Variants in SVEP1 observed in about 807,000 individuals in gnomAD.
SVEP1 encodes the protein sushi, von Willebrand factor type A, EGF and pentraxin domain containing 1, also known as sushi, von Willebrand factor type A, EGF and pentraxin domain-containing protein 1.
SVEP1 carries 164 observed loss-of-function variants against 367.3 expected under a neutral mutation model. The observed-to-expected ratio is 0.45, with a 90% CI of 0.39 to 0.51. SVEP1 has a LOEUF of 0.51. SVEP1 is among the 20% of genes least tolerant of loss of function. The pLI is 0.00. For synonymous variants in SVEP1, 1,666 were observed against 1,611.6 expected (o/e 1.03, Z -0.81); for missense variants, 4,117 against 4,425.3 (o/e 0.93, Z 1.98).
chr9:110,382,469 C>G (rs906125434), intron 43 of SVEP1, among the ~76,000 whole-genome samples: 2 of 152,162 alleles, frequency 1.3e-5, no homozygotes, highest in African/African-American at 4.8e-5. Context: ...TGTAGGTCAC[C>G]TGGACTTTCT....
chr9:110,393,180 T>C (rs1239424584), intron 40 of SVEP1, among the ~76,000 whole-genome samples: 1 of 152,206 alleles, frequency 6.6e-6, no homozygotes, highest in Non-Finnish European at 1.5e-5. Context: ...CTTTTCTTCT[T>C]AATAAATTGC....
At chr9:110,483,511 T>A (rs1371050854) in intron 10 of SVEP1, 75 bp downstream of exon 10, 6 of 969,698 alleles carry the variant, frequency 6.2e-6, no homozygotes, top group East Asian at 2.9e-5. Flanking sequence ...TTCTCTTTTA[T>A]CCCATTAAAA....
At chr9:110,571,837 G>A (rs1439516936) in intron 1 of SVEP1, among the ~76,000 whole-genome samples, 2 of 152,276 alleles carry the variant, frequency 1.3e-5, no homozygotes, top group Non-Finnish European at 1.5e-5. Context: ...TACACACCCA[G>A]AATTGCTACA....
In SVEP1 at chr9:110,400,937, G is replaced by T; in HGVS notation, c.9739C>A (p.Pro3247Thr). 1 of 1,613,864 alleles carries T rather than the reference G, an allele frequency of 6.2e-7. No homozygotes were observed. The highest frequency in any genetic ancestry group is 1.1e-5 in the South Asian group (1 of 91,078). ...SPVSCGKPES[P>T]EHGFVVGSKY... ...CTGCCAACCACAAATCCATGTTCTG[G>T]ACTTTCAGGTTTCCCACAAGAAACT... Residue 3247 changes from proline to threonine, a missense_variant, in exon 40 of 48, where the codon CCA (proline) becomes ACA (threonine). Pro to Thr is a conservative substitution (Grantham distance 38). Transcript: ENST00000374469.
intron 1 of SVEP1, 63 bp downstream of exon 1, chr9:110,578,950 A>G (rs1327821715): frequency 2.0e-6 from 3 of 1,509,500 alleles, no homozygotes; most frequent in Non-Finnish European, 2.7e-6. Context: ...AGAGACGGGC[A>G]GGCAGCGGTG....
At chr9:110,527,385 G>A (rs1033585697) in intron 3 of SVEP1, among the ~76,000 whole-genome samples, 16 of 151,836 alleles carry the variant, frequency 1.1e-4, no homozygotes, top group Admixed American at 9.9e-4. Context: ...ATTTTTTAAA[G>A]GATTTTTATT....
At chr9:110,403,700 G>A (rs1827905360) in intron 39 of SVEP1, among the ~76,000 whole-genome samples, 1 of 151,960 alleles carries the variant, frequency 6.6e-6, no homozygotes, top group South Asian at 2.1e-4. Context: ...TAAATCTTAT[G>A]TGCAAAAGAA....
intron 1 of SVEP1, among the ~76,000 whole-genome samples, chr9:110,577,539 TGA>T (rs1401417327): frequency 6.6e-6 from 1 of 152,096 alleles, no homozygotes; most frequent in African/African-American, 2.4e-5. Context: ...ATTTGGGAAA[TGA>T]GAGAGCTATT....
intron 40 of SVEP1, among the ~76,000 whole-genome samples, chr9:110,393,199 T>C (rs1163219065): frequency 6.6e-6 from 1 of 152,206 alleles, no homozygotes; most frequent in Non-Finnish European, 1.5e-5. Flanking sequence ...GCAAGATTAA[T>C]ATTCTTGCAT....
intron 1 of SVEP1, among the ~76,000 whole-genome samples, chr9:110,573,735 G>T (rs1002071159): frequency 2.6e-5 from 4 of 152,154 alleles, no homozygotes; most frequent in Admixed American, 2.6e-4. Flanking sequence ...TTTAGGAAAG[G>T]TAACTTACAA....
chr9:110,525,967 G>A (rs982453909), intron 3 of SVEP1, among the ~76,000 whole-genome samples: 4 of 151,984 alleles, frequency 2.6e-5, no homozygotes, highest in African/African-American at 9.7e-5. Flanking sequence ...AAATGGTTTT[G>A]AAACAATCAG....
intron 5 of SVEP1, among the ~76,000 whole-genome samples, chr9:110,508,896 A>G (rs1829668310): frequency 1.3e-5 from 2 of 152,208 alleles, no homozygotes. Context: ...AACATCCACA[A>G]AAACATTAAC....
intron 1 of SVEP1, among the ~76,000 whole-genome samples, chr9:110,566,090 A>T (rs1830488414): frequency 6.6e-6 from 1 of 152,012 alleles, no homozygotes; most frequent in South Asian, 2.1e-4. Context: ...AGGTTGAGGC[A>T]GGTAGGTTGC....
chr9:110,501,090 TA>T (rs1167942927), intron 6 of SVEP1, among the ~76,000 whole-genome samples: 1 of 147,842 alleles, frequency 6.8e-6, no homozygotes, highest in Non-Finnish European at 1.5e-5. Flanking sequence ...TACTATATAT[TA>T]ATATAATTAA....
chr9:110,406,320 A>G lies in SVEP1; in HGVS notation c.9280T>C (p.Tyr3094His), dbSNP rs1166591703. Residue 3094 changes from tyrosine to histidine, a missense_variant, in exon 38 of 48, where the codon TAT becomes CAT. By Grantham distance (83) the Tyr-to-His change is moderately conservative. Around this residue, in one of 4 missense-constraint regions of SVEP1, gnomAD observed 1,765 missense variants for 1,781.1 expected, o/e 0.99. Transcript: ENST00000374469. ...NVITYSCRSG[Y>H]VIQGSSDLIC... is the part of the protein sequence containing the mutation. Reference sequence around the variant, plus strand: ...AGATCTGAACTGCCTTGTATGACATATCCAGACCTGCAGCTGTAAGTTATC... The same window carrying G: ...AGATCTGAACTGCCTTGTATGACATGTCCAGACCTGCAGCTGTAAGTTATC... 1.2e-6 allele frequency: 2 copies of G among 1,613,920 alleles called. No individual in the cohort carries two copies. Among genetic ancestry groups the G allele is most frequent in the Non-Finnish European group, 1.7e-6 (2 of 1,179,910 alleles).
intron 1 of SVEP1, among the ~76,000 whole-genome samples, chr9:110,576,297 A>C (rs1052231564): frequency 6.6e-6 from 1 of 152,114 alleles, no homozygotes; most frequent in Non-Finnish European, 1.5e-5. Flanking sequence ...GACCCTGAAA[A>C]ATAATGATAG....
intron 47 of SVEP1, among the ~76,000 whole-genome samples, chr9:110,368,726 G>C (rs1408971355): frequency 4.6e-5 from 7 of 151,908 alleles, no homozygotes; most frequent in Middle Eastern, 3.4e-3. Flanking sequence ...CTTAAATTCA[G>C]CTCTGCTCTC....
chr9:110,434,394 G>A lies in SVEP1; in HGVS notation c.5001C>T (p.Asn1667=), dbSNP rs7853155. The A allele has an allele frequency of 0.07, 113,703 of 1,612,998 alleles. 4,476 individuals carry two copies. The highest frequency in any genetic ancestry group is 0.079 in the Non-Finnish European group (93,718 of 1,179,420). The change falls in exon 30 of 48, where the codon AAC becomes AAT. Residue 1667 remains asparagine, a synonymous_variant. Transcript: ENST00000374469. ...CTTGATTCAGACAGTACTGCACAGG[G>A]TTCCCGACCAGCTGGAAGCCTGGAT... The part of the protein sequence containing the change: ...FCDPGFQLVG[N]PVQYCLNQGQ...
At position 110,468,928 on chromosome 9, in the gene SVEP1, G is replaced by A. The variant is rs1410774172; in HGVS notation, c.3160+12C>T. 3 of 1,547,710 alleles carry A rather than the reference G, an allele frequency of 1.9e-6. No individual in the cohort carries two copies. In the African/African-American group the frequency reaches 4.1e-5, roughly 21 times the overall value. On this transcript the variant is annotated intron_variant, in intron 17 of 47. Transcript: ENST00000374469. ...GGGCTGCTTCTAGTTGAAATGTCCA[G>A]TAAGCCTCTACCTTTACAATCAGAG...
Sources: gnomAD v4.1 joint callset for allele counts (sites outside exome capture counted in the v4.1 genomes callset) on GRCh38, gnomAD v4.1.1 for gene constraint, gnomAD v4.1.1 regional missense constraint, MANE v1.5 for transcripts, NCBI Gene and HGNC (gene_info 2026-07-23, HGNC 2026-07-21) for gene names.